COL3A1: variants seen among roughly 807,000 people sequenced by gnomAD.
The protein encoded by COL3A1 is collagen alpha-1(III) chain.
COL3A1 carries 46 observed loss-of-function variants against 200.9 expected under a neutral mutation model. The observed-to-expected ratio is 0.23, with a 90% CI of 0.18 to 0.29. The LOEUF is 0.29. Among genes scored for constraint, COL3A1 ranks in the 10% least tolerant of loss-of-function variants. COL3A1 has a pLI of 1.00. For missense variants in COL3A1, 1,367 were observed against 1,917.6 expected (o/e 0.71, Z 5.36); for synonymous variants, 650 against 628.0 (o/e 1.03, Z -0.52).
chr2:188,997,455 A>G, intron 26 of COL3A1, 66 bp downstream of exon 26: 15 of 1,472,838 alleles, frequency 1.0e-5, no homozygotes, highest in Non-Finnish European at 1.4e-5. Context: ...GAATGCTTCA[A>G]AAATTACATA....
intron 1 of COL3A1, among the ~76,000 whole-genome samples, chr2:188,982,955 C>T (rs1244500204): frequency 7.1e-6 from 1 of 141,002 alleles, no homozygotes; most frequent in Non-Finnish European, 1.6e-5. Context: ...AATGCATAGA[C>T]TCACCTGTTA....
chr2:189,010,449 A>G (rs1405270032), intron 49 of COL3A1, 84 bp downstream of exon 49: 9 of 1,550,002 alleles, frequency 5.8e-6, no homozygotes, highest in African/African-American at 4.1e-5. Context: ...AAGCAAAGTT[A>G]CTAGGTTGGT....
In COL3A1 at chr2:189,009,153, A is replaced by T. The variant is rs869025372; in HGVS notation, c.3755A>T (p.Asp1252Val). ...NGQIESLISP[D>V]GSRKNPARNC... ...CAAATAGAAAGCCTCATTAGTCCTG[A>T]TGGTTCTCGTAAAAACCCCGCTAGA... The change falls in exon 48 of 51, where the codon GAT becomes GTT. Residue 1252 changes from aspartate to valine, a missense_variant. Asp to Val is a radical substitution (Grantham distance 152). This residue lies in a region of COL3A1 where 846 missense variants were observed against 1,147.9 expected (regional missense o/e 0.74). Transcript: ENST00000304636. 1.2e-6 allele frequency: 2 copies of T among 1,614,222 alleles called. No individual in the cohort carries two copies.
intron 50 of COL3A1, among the ~76,000 whole-genome samples, 187 bp downstream of exon 50, chr2:189,011,077 C>T (rs1300583650): frequency 1.3e-5 from 2 of 152,118 alleles, no homozygotes; most frequent in Admixed American, 1.3e-4. Flanking sequence ...TGGATCTTAG[C>T]CTCCAGATGA....
At position 188,998,806 on chromosome 2, in the gene COL3A1, C is replaced by T. The variant is rs868584595; in HGVS notation, c.2022+88C>T. ...ATTTTTAGTATATCAAGCCAAAATA[C>T]TCTTTCTTTAAAAGAGCATCATTGC... On this transcript the variant is annotated intron_variant, in intron 29 of 50. Transcript: ENST00000304636. 3.4e-6 allele frequency: 4 copies of T among 1,193,484 alleles called. No homozygotes were observed. The South Asian group carries it at 3.8e-5, about 11-fold the overall frequency. 73.9% of individuals were successfully genotyped at this position (1,193,484 alleles called of 1,614,324 possible).
At chr2:189,001,970 A>C (rs1402205853) in intron 34 of COL3A1, among the ~76,000 whole-genome samples, 1 of 152,222 alleles carries the variant, frequency 6.6e-6, no homozygotes, top group East Asian at 1.9e-4. Context: ...ATGGTTTTTA[A>C]AAATAAATCA....
rs1006184701 is a variant in COL3A1 at position 189,009,097 on chromosome 2, G to C, written c.3699G>C (p.Glu1233Asp). 6.2e-7 allele frequency: 1 copy of C among 1,614,070 alleles called. No individual in the cohort carries two copies. The highest frequency in any genetic ancestry group is 1.3e-5 in the African/African-American group (1 of 74,916). The change falls in exon 48 of 51, where the codon GAG becomes GAC. Residue 1233 changes from glutamate (E) to aspartate (D), a missense_variant. By Grantham distance (45) the Glu-to-Asp change is conservative. Around this residue, in one of 5 missense-constraint regions of COL3A1, gnomAD observed 846 missense variants for 1,147.9 expected, o/e 0.74. Coordinates refer to ENST00000304636, the MANE Select transcript of COL3A1 (RefSeq NM_000090.4). ...EPMDFKINTD[E>D]IMTSLKSVNG... ...TGGATTTCAAAATCAACACCGATGA[G>C]ATTATGACTTCACTCAAGTCTGTTA...
Position 188,996,173 on chromosome 2 carries a change from C to A in COL3A1, c.1657C>A (p.Pro553Thr). The A allele has an allele frequency of 6.2e-7, 1 of 1,613,156 alleles. No individual in the cohort carries two copies. Among genetic ancestry groups the A allele is most frequent in the Non-Finnish European group, 8.5e-7 (1 of 1,179,578 alleles). Residue 553 changes from proline to threonine, a missense_variant, in exon 23 of 51, where the codon CCT becomes ACT. Physicochemically the swap from Pro to Thr is conservative, Grantham distance 38. Transcript: ENST00000304636. ...ACCAGGAAGTGATGGGAAACCAGGGCCTCCCGTATGTACATTTTTAAAATC... is the reference window on the plus strand; with the variant it reads ...ACCAGGAAGTGATGGGAAACCAGGGACTCCCGTATGTACATTTTTAAAATC... ...GGPGSDGKPG[P>T]PGSQGESGRP...
chr2:188,997,105 A>ATATAT (rs1559057594), intron 24 of COL3A1, 60 bp from the exon 25 acceptor site: 3 of 1,396,520 alleles, frequency 2.1e-6, no homozygotes, highest in Admixed American at 3.4e-5. Context: ...TATATGAGAC[A>ATATAT]ATAATATGAT....
chr2:188,984,678 T>C, intron 1 of COL3A1, 82 bp from the exon 2 acceptor site: 1 of 1,237,748 alleles, frequency 8.1e-7, no homozygotes, highest in Non-Finnish European at 1.2e-6. Context: ...CTTTGGCTAT[T>C]GTTAATAGTC....
chr2:188,985,214 T>G lies in COL3A1; in HGVS notation c.300T>G (p.Asn100Lys), dbSNP rs776373729. The change falls in exon 3 of 51, where the codon AAT becomes AAG. Residue 100 changes from asparagine to lysine, a missense_variant. Around this residue, in one of 5 missense-constraint regions of COL3A1, gnomAD observed 462 missense variants for 681.4 expected, o/e 0.68. Coordinates refer to ENST00000304636, the MANE Select transcript of COL3A1 (RefSeq NM_000090.4). The part of the protein sequence containing the change: ...QPPTAPTRPP[N>K]GQGPQGPKGD... ...TTTATTAGCCTACTCGCCCTCCTAA[T>G]GGTCAAGGACCTCAAGGCCCCAAGG... is the stretch of plus-strand genomic sequence containing the variant. The G allele has an allele frequency of 1.2e-6, 2 of 1,612,544 alleles. No individual in the cohort carries two copies. The highest frequency in any genetic ancestry group is 1.7e-6 in the Non-Finnish European group (2 of 1,178,848).
intron 36 of COL3A1, 37 bp downstream of exon 36, chr2:189,003,099 C>T (rs1340782205): frequency 4.9e-6 from 7 of 1,427,348 alleles, no homozygotes; most frequent in Non-Finnish European, 6.8e-6. Flanking sequence ...ATCTATCTAT[C>T]ATCTATCTAT....
intron 1 of COL3A1, 65 bp downstream of exon 1, chr2:188,974,633 G>C (rs1687769926): frequency 7.9e-7 from 1 of 1,273,262 alleles, no homozygotes; most frequent in African/African-American, 1.5e-5. Flanking sequence ...CACAAAGAGG[G>C]GTGTAAAGGG....
Position 189,003,740 on chromosome 2 carries a change from G to T in COL3A1, c.2614G>T (p.Ala872Ser), listed in dbSNP as rs1475390693. 10 of 1,613,730 alleles carry T rather than the reference G, an allele frequency of 6.2e-6. No homozygotes were observed. In the African/African-American group the frequency reaches 6.7e-5, roughly 11 times the overall value. ...ERGSPGGPGAAGFPGARGLPG... is the reference protein window; with the variant it reads ...ERGSPGGPGASGFPGARGLPG... ...ATATATTACCATTTCACAGGGTGCTGCTGGCTTCCCTGGTGCTCGTGGTCT... is the reference window on the plus strand; with the variant it reads ...ATATATTACCATTTCACAGGGTGCTTCTGGCTTCCCTGGTGCTCGTGGTCT... Residue 872 changes from alanine to serine, a missense_variant, in exon 38 of 51, where the codon GCT (alanine) becomes TCT (serine). Around this residue, in one of 5 missense-constraint regions of COL3A1, gnomAD observed 846 missense variants for 1,147.9 expected, o/e 0.74. Transcript: ENST00000304636.
chr2:188,995,718 A>C lies in COL3A1; in HGVS notation c.1536A>C (p.Pro512=), dbSNP rs975159988. The C allele has an allele frequency of 1.9e-6, 3 of 1,561,154 alleles. No individual in the cohort carries two copies. Among genetic ancestry groups the C allele is most frequent in the Non-Finnish European group, 2.6e-6 (3 of 1,152,082 alleles). The change falls in exon 22 of 51, where the codon CCA becomes CCC. Residue 512 remains proline, a synonymous_variant. Coordinates refer to ENST00000304636, the MANE Select transcript of COL3A1 (RefSeq NM_000090.4). ...GTCCTGCTGGAGAGCGTGGTGCTCC[A>C]GGCCCTGCAGGGCCCAGAGGAGCTG... ...EKGPAGERGA[P]GPAGPRGAAG... is the part of the protein sequence containing the mutation.
Position 188,998,613 on chromosome 2 carries a change from G to T in COL3A1, c.1978-61G>T, listed in dbSNP as rs1688382718. On this transcript the variant is annotated intron_variant, in intron 28 of 50. Transcript: ENST00000304636. ...CATATTTGCTTATATTTACATATTT[G>T]CTTATATTTACATAAAATGCACTCT... 4.0e-6 allele frequency: 6 copies of T among 1,490,250 alleles called. No individual in the cohort carries two copies. The Middle Eastern group carries it at 5.2e-4, about 129-fold the overall frequency. The allele number at this position is 1,490,250 out of a possible 1,614,324, so 92.3% of individuals were successfully genotyped here. A position where few individuals can be genotyped will look rare whatever the true frequency, so the allele number is the denominator to read the frequency against.
In COL3A1 at chr2:188,991,702, C is replaced by A; in HGVS notation, c.931C>A (p.Pro311Thr). 6.2e-7 allele frequency: 1 copy of A among 1,613,936 alleles called. No homozygotes were observed. Among genetic ancestry groups the A allele is most frequent in the Non-Finnish European group, 8.5e-7 (1 of 1,179,922 alleles). ...AGGGGCTCCTGGTGAGCGAGGACGG[C>A]CAGGACTTCCTGGGGCTGCAGTGAG... ...PRGAPGERGR[P>T]GLPGAAGARG... The change falls in exon 13 of 51, where the codon CCA becomes ACA. Residue 311 changes from proline to threonine, a missense_variant. By Grantham distance (38) the Pro-to-Thr change is conservative. Around this residue, in one of 5 missense-constraint regions of COL3A1, gnomAD observed 462 missense variants for 681.4 expected, o/e 0.68. Transcript: ENST00000304636.
intron 4 of COL3A1, 132 bp downstream of exon 4, chr2:188,985,910 C>A: frequency 1.4e-6 from 1 of 702,904 alleles, no homozygotes; most frequent in Admixed American, 2.3e-5. Context: ...TTTAATAAAT[C>A]CTTATTTAGT....
At position 188,988,223 on chromosome 2, in the gene COL3A1, T is replaced by C; in HGVS notation, c.582+89T>C. 4.4e-6 allele frequency: 5 copies of C among 1,137,084 alleles called. No individual in the cohort carries two copies. The South Asian group carries it at 6.2e-5, about 14-fold the overall frequency. 70.4% of individuals were successfully genotyped at this position (1,137,084 alleles called of 1,614,324 possible). On this transcript the variant is annotated intron_variant, in intron 6 of 50. Transcript: ENST00000304636. Reference sequence around the variant, plus strand: ...CTGCTATAATTCAGCCATTCCAGCATGCATAATCCCAGTTAACTAGAGAAA... The same window carrying C: ...CTGCTATAATTCAGCCATTCCAGCACGCATAATCCCAGTTAACTAGAGAAA...
Sources: allele counts gnomAD v4.1 joint callset (sites outside exome capture counted in the v4.1 genomes callset), GRCh38; gene constraint gnomAD v4.1.1; regional missense constraint gnomAD v4.1.1; transcripts MANE v1.5; gene names NCBI Gene and HGNC (gene_info 2026-07-23, HGNC 2026-07-21).